Variants in SLC47A1 observed in about 807,000 individuals in gnomAD.
The protein encoded by SLC47A1 is solute carrier family 47 member 1.
In SLC47A1, 58 loss-of-function variants were observed where a neutral mutation model predicts 65.8. The observed-to-expected ratio is 0.88, with a 90% confidence interval of 0.71 to 1.10. The LOEUF is 1.10. Among genes scored for constraint, SLC47A1 ranks in the 50% least tolerant of loss-of-function variants. SLC47A1 has a pLI of 0.00. For synonymous variants in SLC47A1, 285 were observed against 295.0 expected (o/e 0.97, Z 0.35); for missense variants, 706 against 719.2 (o/e 0.98, Z 0.21).
intron 12 of SLC47A1, among the ~76,000 whole-genome samples, chr17:19,566,089 C>T (rs1024908527): frequency 1.3e-5 from 2 of 152,134 alleles, no homozygotes; most frequent in Non-Finnish European, 2.9e-5. Context: ...AATCCCAAAG[C>T]ACAAAAGTAG....
At chr17:19,573,209 T>C (rs1341699515) in intron 16 of SLC47A1, among the ~76,000 whole-genome samples, 2 of 152,232 alleles carry the variant, frequency 1.3e-5, no homozygotes, top group Admixed American at 6.5e-5. Context: ...AGGCAGACAC[T>C]TGTGGGCTTT....
intron 12 of SLC47A1, among the ~76,000 whole-genome samples, chr17:19,562,979 C>T (rs2084325063): frequency 6.6e-6 from 1 of 151,858 alleles, no homozygotes; most frequent in Non-Finnish European, 1.5e-5. Flanking sequence ...TTTTAAAAAT[C>T]CTAAGAGACT....
At chr17:19,540,850 A>ACACAC (rs1491246079) in intron 1 of SLC47A1, among the ~76,000 whole-genome samples, 2 of 13,600 alleles carry the variant, frequency 1.5e-4, no homozygotes, top group Non-Finnish European at 2.1e-4. Flanking sequence ...CCTACAACAG[A>ACACAC]CACACACACA....
At chr17:19,547,797 A>G (rs1916334095) in intron 3 of SLC47A1, among the ~76,000 whole-genome samples, 188 bp from the exon 4 acceptor site, 1 of 136,840 alleles carries the variant, frequency 7.3e-6, no homozygotes, top group Admixed American at 8.9e-5. Context: ...ATCTCGGCTC[A>G]CTGCAACCTC....
intron 2 of SLC47A1, 66 bp from the exon 3 acceptor site, chr17:19,546,369 C>G: frequency 6.6e-7 from 1 of 1,511,426 alleles, no homozygotes; most frequent in South Asian, 1.2e-5. Context: ...TATCAATACA[C>G]ACAGGGATTT....
Position 19,572,877 on chromosome 17 carries a change from C to T in SLC47A1, c.1486+16C>T, listed in dbSNP as rs377587106. ...CTTCACCCAGGTAAGATATGACTCC[C>T]TCAGCCCTTGGACAGGCCTGTCTAG... is the stretch of plus-strand genomic sequence containing the variant. On this transcript the variant is annotated intron_variant, in intron 16 of 16. Transcript: ENST00000270570. 54 of 1,613,066 alleles carry T rather than the reference C, an allele frequency of 3.3e-5. No individual in the cohort carries two copies. The African/African-American group carries it at 6.9e-4, about 21-fold the overall frequency.
intron 2 of SLC47A1, 70 bp downstream of exon 2, chr17:19,542,564 T>C: frequency 7.9e-7 from 1 of 1,266,100 alleles, no homozygotes; most frequent in Non-Finnish European, 1.1e-6. Flanking sequence ...CTATAACAAA[T>C]CATCAAAATG....
intron 6 of SLC47A1, among the ~76,000 whole-genome samples, chr17:19,552,876 G>T (rs557431395): frequency 6.6e-6 from 1 of 152,306 alleles, no homozygotes; most frequent in East Asian, 1.9e-4. Context: ...AGCGTGCGCA[G>T]GGCCTTGTGT....
At position 19,567,177 on chromosome 17, in the gene SLC47A1, G is replaced by T; in HGVS notation, c.1258G>T (p.Gly420Cys). 6.2e-7 allele frequency: 1 copy of T among 1,614,182 alleles called. No individual in the cohort carries two copies. The highest frequency in any genetic ancestry group is 1.7e-5 in the Admixed American group (1 of 60,022). Residue 420 changes from glycine (G) to cysteine (C), a missense_variant, in exon 14 of 17, where the codon GGC becomes TGC. By Grantham distance (159) the Gly-to-Cys change is radical (BLOSUM62 -3). Coordinates refer to ENST00000270570, the MANE Select transcript of SLC47A1 (RefSeq NM_018242.3). Reference protein sequence around the residue: ...IVNTIGYYVVGLPIGIALMFA... With the variant: ...IVNTIGYYVVCLPIGIALMFA... ...GAATACCATTGGGTACTATGTGGTT[G>T]GCCTCCCCATCGGGATCGCGCTGAT...
intron 2 of SLC47A1, among the ~76,000 whole-genome samples, 154 bp downstream of exon 2, chr17:19,542,648 C>T (rs910427687): frequency 6.6e-6 from 1 of 152,008 alleles, no homozygotes; most frequent in Non-Finnish European, 1.5e-5. Flanking sequence ...GTTTCATGGC[C>T]TAAAATCAAG....
At chr17:19,556,678 C>G (rs891159986) in intron 10 of SLC47A1, among the ~76,000 whole-genome samples, 1 of 151,696 alleles carries the variant, frequency 6.6e-6, no homozygotes, top group Non-Finnish European at 1.5e-5. Flanking sequence ...TCTGCCTCAG[C>G]CTCCCAAGTA....
chr17:19,555,552 G>A (rs772931692), intron 7 of SLC47A1, 41 bp from the exon 8 acceptor site: 49 of 1,580,620 alleles, frequency 3.1e-5, no homozygotes, highest in South Asian at 2.9e-4. Flanking sequence ...AGGGAGAGGC[G>A]CAGGAAGGTA....
chr17:19,560,529 T>G, intron 12 of SLC47A1, 36 bp downstream of exon 12: 1 of 1,602,834 alleles, frequency 6.2e-7, no homozygotes, highest in Non-Finnish European at 8.5e-7. Flanking sequence ...GTGAAATCTG[T>G]GATAAAGAAA....
chr17:19,572,638 A>C (rs1270943361), intron 15 of SLC47A1, 142 bp from the exon 16 acceptor site: 2 of 724,348 alleles, frequency 2.8e-6, no homozygotes, highest in Non-Finnish European at 2.4e-6. Context: ...AATCTTTATG[A>C]AAGATGACCT....
intron 15 of SLC47A1, 150 bp downstream of exon 15, chr17:19,571,722 CA>C: frequency 1.6e-6 from 1 of 632,862 alleles, no homozygotes; most frequent in Non-Finnish European, 2.7e-6. Context: ...TTTAACTAGA[CA>C]GTTCAGATGT....
At chr17:19,552,730 G>A (rs183908497) in intron 6 of SLC47A1, among the ~76,000 whole-genome samples, 9 of 152,240 alleles carry the variant, frequency 5.9e-5, no homozygotes, top group African/African-American at 2.2e-4. Flanking sequence ...GGTTGGGAAG[G>A]AAGGCAGGGG....
intron 10 of SLC47A1, 112 bp from the exon 11 acceptor site, chr17:19,560,076 A>G: frequency 1.4e-6 from 1 of 737,274 alleles, no homozygotes; most frequent in Non-Finnish European, 2.2e-6. Context: ...GTCTTTTCAA[A>G]ACTTTTAGGA....
intron 12 of SLC47A1, among the ~76,000 whole-genome samples, chr17:19,565,827 C>T (rs758215426): frequency 2.6e-5 from 4 of 151,990 alleles, no homozygotes; most frequent in South Asian, 2.1e-4. Flanking sequence ...GTGATCCGCC[C>T]GCCTCGGCCT....
At position 19,577,647 on chromosome 17, in the gene SLC47A1, T is replaced by C. The variant is rs2084451619; in HGVS notation, c.*94T>C. The C allele has an allele frequency of 6.4e-7, 1 of 1,554,778 alleles. No homozygotes were observed. The highest frequency in any genetic ancestry group is 1.4e-5 in the African/African-American group (1 of 73,112). ...GACAATTTACTGTGAGTTAATGTCA[T>C]TCAGGTGTGCCCATGGATTTTGAGG... On this transcript the variant is annotated 3_prime_UTR_variant, in exon 17 of 17. Transcript: ENST00000270570.
Sources: allele counts gnomAD v4.1 joint callset (sites outside exome capture counted in the v4.1 genomes callset), GRCh38; gene constraint gnomAD v4.1.1; transcripts MANE v1.5; gene names NCBI Gene and HGNC (gene_info 2026-07-23, HGNC 2026-07-21).